Variants in CAMKMT observed in about 807,000 individuals in gnomAD.
The protein encoded by CAMKMT is CaM KMT.
A neutral mutation model predicts 48.0 loss-of-function variants in CAMKMT; 53 were observed. That is an observed-to-expected ratio of 1.10 (90% CI 0.89 to 1.39). CAMKMT has a LOEUF of 1.39. CAMKMT is among the 40% of genes most tolerant of loss of function. The pLI is 0.00. For missense variants in CAMKMT, 428 were observed against 402.7 expected, an observed-to-expected ratio of 1.06 and a Z score of -0.54; for synonymous variants, 165 against 152.3, an observed-to-expected ratio of 1.08 and a Z score of -0.61.
In CAMKMT at chr2:44,510,273, C is replaced by T. The variant is rs545013174; in HGVS notation, c.376+119968C>T. ...TTAGTCTTTCTCTGTCTTTCACGGC[C>T]TTGATACTTTAAAGAGTACTAGTCA... On this transcript the variant is annotated intron_variant, in intron 3 of 10. Coordinates refer to ENST00000378494, the MANE Select transcript of CAMKMT (RefSeq NM_024766.5). Among the ~76,000 whole-genome samples the T allele has an allele frequency of 3.3e-4, 51 of 152,262 alleles. 1 individual carries two copies. The highest frequency in any genetic ancestry group is 1.1e-3 in the African/African-American group (47 of 41,562).
intron 9 of CAMKMT, 114 bp from the exon 10 acceptor site, chr2:44,766,316 G>A: frequency 8.8e-7 from 1 of 1,142,696 alleles, no homozygotes; most frequent in Non-Finnish European, 1.3e-6. Context: ...GACATCTCAA[G>A]AACAATTGAG....
At chr2:44,476,795 T>C (rs372462452) in intron 3 of CAMKMT, among the ~76,000 whole-genome samples, 5 of 152,300 alleles carry the variant, frequency 3.3e-5, no homozygotes, top group Admixed American at 6.5e-5. Flanking sequence ...AGGCAAGCCA[T>C]GTAATTTACT....
chr2:44,362,243 T>G, intron 1 of CAMKMT, 98 bp downstream of exon 1: 2 of 1,109,366 alleles, frequency 1.8e-6, no homozygotes, highest in Non-Finnish European at 2.4e-6. Context: ...TTGGCAGCTC[T>G]GGGAGACCCT....
chr2:44,576,462 A>G (rs1669227643), intron 3 of CAMKMT, among the ~76,000 whole-genome samples: 1 of 152,318 alleles, frequency 6.6e-6, no homozygotes, highest in Admixed American at 6.5e-5. Flanking sequence ...TAGCCTCAAT[A>G]TATTTCAATA....
chr2:44,566,655 G>A (rs1483273014), intron 3 of CAMKMT, among the ~76,000 whole-genome samples: 1 of 152,084 alleles, frequency 6.6e-6, no homozygotes, highest in Admixed American at 6.6e-5. Context: ...AAAAAAATTA[G>A]CCATAGGAAG....
At chr2:44,365,365 C>G (rs943502275) in intron 1 of CAMKMT, among the ~76,000 whole-genome samples, 1 of 152,170 alleles carries the variant, frequency 6.6e-6, no homozygotes, top group Non-Finnish European at 1.5e-5. Context: ...CCTAGTGCAT[C>G]ATTTGGTTCC....
chr2:44,563,997 G>T (rs1456564554), intron 3 of CAMKMT, among the ~76,000 whole-genome samples: 2 of 152,188 alleles, frequency 1.3e-5, no homozygotes, highest in East Asian at 3.9e-4. Flanking sequence ...ACCCAGTAAT[G>T]GGATGGCTGG....
At chr2:44,592,453 A>G (rs952483900) in intron 3 of CAMKMT, among the ~76,000 whole-genome samples, 5 of 151,894 alleles carry the variant, frequency 3.3e-5, no homozygotes, top group African/African-American at 9.7e-5. Flanking sequence ...TACATTGGTC[A>G]TTTTTGTCTT....
intron 2 of CAMKMT, among the ~76,000 whole-genome samples, chr2:44,385,355 C>G (rs1372421034): frequency 6.6e-6 from 1 of 151,982 alleles, no homozygotes; most frequent in Admixed American, 6.6e-5. Context: ...TTGCTGAATT[C>G]TTTTATCAGT....
intron 4 of CAMKMT, among the ~76,000 whole-genome samples, chr2:44,705,929 A>G (rs1677529247): frequency 6.6e-6 from 1 of 152,160 alleles, no homozygotes; most frequent in Non-Finnish European, 1.5e-5. Flanking sequence ...ATGTGGATTA[A>G]CAGTGTTATC....
At chr2:44,698,582 A>G (rs555361807) in intron 3 of CAMKMT, among the ~76,000 whole-genome samples, 1 of 152,358 alleles carries the variant, frequency 6.6e-6, no homozygotes, top group Non-Finnish European at 1.5e-5. Context: ...ATTGCTAAAA[A>G]ATACTAATGA....
intron 4 of CAMKMT, among the ~76,000 whole-genome samples, chr2:44,705,091 T>C (rs1677478834): frequency 6.6e-6 from 1 of 152,220 alleles, no homozygotes; most frequent in South Asian, 2.1e-4. Flanking sequence ...CTAGTGATCA[T>C]AGCGTGTGTT....
chr2:44,415,882 C>T (rs572196976), intron 3 of CAMKMT, among the ~76,000 whole-genome samples: 31 of 152,242 alleles, frequency 2.0e-4, no homozygotes, highest in African/African-American at 7.2e-4. Context: ...ATTCATAATA[C>T]TCTGTTATGT....
At chr2:44,674,413 G>A (rs544931024) in intron 3 of CAMKMT, among the ~76,000 whole-genome samples, 18 of 152,314 alleles carry the variant, frequency 1.2e-4, no homozygotes, top group African/African-American at 4.3e-4. Flanking sequence ...AAAAGCTAGA[G>A]CACAGTCTCT....
intron 3 of CAMKMT, among the ~76,000 whole-genome samples, chr2:44,544,540 G>A (rs928580112): frequency 5.9e-5 from 9 of 152,210 alleles, no homozygotes; most frequent in Admixed American, 1.3e-4. Flanking sequence ...TAGCTTTGGG[G>A]AGATGTCATT....
intron 3 of CAMKMT, among the ~76,000 whole-genome samples, chr2:44,428,522 G>GTCCAGGCTCGGCCGCAGT: frequency 6.6e-6 from 1 of 152,306 alleles, no homozygotes; most frequent in East Asian, 1.9e-4. Context: ...AGGGCCGCAG[G>GTCCAGGCTCGGCCGCAGT]TCCAGGCTCG....
At chr2:44,397,058 CA>C (rs59188592) in intron 3 of CAMKMT, among the ~76,000 whole-genome samples, 1,588 of 120,242 alleles carry the variant, frequency 0.013, 15 homozygotes, top group African/African-American at 0.04. Context: ...GACTCCATCT[CA>C]AAAAAAAAAA....
intron 3 of CAMKMT, among the ~76,000 whole-genome samples, chr2:44,508,698 A>T (rs973356284): frequency 5.3e-5 from 8 of 152,358 alleles, no homozygotes; most frequent in African/African-American, 1.7e-4. Context: ...TTAGGTAAAT[A>T]ATCCTATGAT....
At chr2:44,585,973 A>C (rs1056630884) in intron 3 of CAMKMT, among the ~76,000 whole-genome samples, 1 of 152,242 alleles carries the variant, frequency 6.6e-6, no homozygotes, top group African/African-American at 2.4e-5. Flanking sequence ...TTCTAATTTT[A>C]CACTACAGGG....
Sources: gnomAD v4.1 joint callset for allele counts (sites outside exome capture counted in the v4.1 genomes callset) on GRCh38, gnomAD v4.1.1 for gene constraint, MANE v1.5 for transcripts, NCBI Gene and HGNC (gene_info 2026-07-23, HGNC 2026-07-21) for gene names.